Variants in PHACTR1 observed in about 807,000 individuals in gnomAD.
PHACTR1 encodes phosphatase and actin regulator 1, also known as RPEL repeat containing 1.
Under a neutral mutation model 69.2 loss-of-function variants are expected in PHACTR1, and 16 were observed. The observed-to-expected ratio is 0.23, with a 90% CI of 0.16 to 0.35. The LOEUF is 0.35. Ranked by LOEUF, PHACTR1 falls within the 10% of genes least tolerant of loss-of-function variation. The probability of loss-of-function intolerance (pLI) is 1.00; values close to 1 mark genes in which losing one functional copy is unlikely to be tolerated. For missense variants in PHACTR1, 510 were observed against 734.7 expected, an observed-to-expected ratio of 0.69 and a Z score of 3.54; for synonymous variants, 312 against 284.5, an observed-to-expected ratio of 1.10 and a Z score of -0.97.
In PHACTR1 at chr6:12,848,331, ATATGTTAAACT is replaced by A. The variant is rs533850870; in HGVS notation, c.250+98542_250+98552del. ...CCAATATACATATATGTGCATATAC[ATATGTTAAACT>A]ACAAGATTTTCTATAAACACAAACA... On this transcript the variant is annotated intron_variant, in intron 4 of 14. Transcript: ENST00000332995. 8.5e-4 allele frequency among the ~76,000 whole-genome samples: 129 copies of A among 152,340 alleles called. 1 individual carries two copies. The highest frequency in any genetic ancestry group is 3.0e-3 in the African/African-American group (126 of 41,580).
At position 13,073,331 on chromosome 6, in the gene PHACTR1, A is replaced by ATTTTTTTT. The variant is rs10664160; in HGVS notation, c.415+19825_415+19832dup. On this transcript the variant is annotated intron_variant, in intron 5 of 14. Coordinates refer to ENST00000332995, the MANE Select transcript of PHACTR1 (RefSeq NM_030948.6). ...ATTCCTTCAACCAATCATTCCATGA[A>ATTTTTTTT]TTTTTTTTTTTTTTTTTTTTTTTTT... is the stretch of plus-strand genomic sequence containing the variant. 3.3e-3 allele frequency among the ~76,000 whole-genome samples: 216 copies of ATTTTTTTT among 65,690 alleles called. 39 individuals carry two copies. The highest frequency in any genetic ancestry group is 8.1e-3 in the African/African-American group (119 of 14,716). 43.1% of individuals were successfully genotyped at this position (65,690 alleles called of 152,430 possible).
At chr6:13,081,258 A>G (rs1473057588) in intron 5 of PHACTR1, among the ~76,000 whole-genome samples, 1 of 152,196 alleles carries the variant, frequency 6.6e-6, no homozygotes, top group African/African-American at 2.4e-5. Context: ...ACTCCCCTAC[A>G]GCAGTTTCCT....
rs567620211 is a variant in PHACTR1, at chr6:12,892,671, A to G, written c.250+142881A>G. Among the ~76,000 whole-genome samples, 9 of 152,284 alleles carry G rather than the reference A, an allele frequency of 5.9e-5. No homozygotes were observed. In the South Asian group the frequency reaches 1.9e-3, roughly 32 times the overall value. On this transcript the variant is annotated intron_variant, in intron 4 of 14. Transcript: ENST00000332995. ...CATTTATAGACATCTTTTTCCCCCC[A>G]TGGAAAAAAAGGAACAGAACAGTGC...
intron 4 of PHACTR1, among the ~76,000 whole-genome samples, chr6:13,008,491 C>A (rs77350570): frequency 6.6e-6 from 1 of 152,130 alleles, no homozygotes; most frequent in African/African-American, 2.4e-5. Flanking sequence ...TCTCCTTGCT[C>A]GAAATATAAA....
At chr6:12,926,988 T>C (rs1023337040) in intron 4 of PHACTR1, among the ~76,000 whole-genome samples, 5 of 152,250 alleles carry the variant, frequency 3.3e-5, no homozygotes, top group African/African-American at 1.2e-4. Flanking sequence ...TCTAGTCAAT[T>C]GCTTAGGATC....
intron 4 of PHACTR1, among the ~76,000 whole-genome samples, chr6:12,909,454 G>A (rs1386101880): frequency 2.6e-5 from 4 of 152,182 alleles, no homozygotes; most frequent in Non-Finnish European, 4.4e-5. Context: ...AATTATATGC[G>A]GGAGTAATTG....
intron 6 of PHACTR1, among the ~76,000 whole-genome samples, chr6:13,174,496 T>C (rs992596863): frequency 1.3e-5 from 2 of 152,240 alleles, no homozygotes; most frequent in African/African-American, 4.8e-5. Flanking sequence ...AATTGTCGCA[T>C]GGCACTTCAC....
chr6:13,287,057 C>A lies in PHACTR1; in HGVS notation c.1728-6C>A, dbSNP rs1199997225. On this transcript the variant is annotated splice_polypyrimidine_tract_variant and splice_region_variant and intron_variant, in intron 14 of 14. Coordinates refer to ENST00000332995, the MANE Select transcript of PHACTR1 (RefSeq NM_030948.6). ...TTGGTCTTGATGTAATTGTTTGTTT[C>A]CTTAGGTTTCACCGACCTTAACAGT... 1 of 1,607,832 alleles carries A rather than the reference C, an allele frequency of 6.2e-7. No homozygotes were observed. The highest frequency in any genetic ancestry group is 8.5e-7 in the Non-Finnish European group (1 of 1,176,912).
intron 5 of PHACTR1, among the ~76,000 whole-genome samples, chr6:13,133,214 TC>T (rs1489197570): frequency 1.3e-4 from 2 of 15,330 alleles, no homozygotes; most frequent in Non-Finnish European, 2.3e-4. Context: ...CCCCTCCCCC[TC>T]CCCCTCCCCC....
intron 4 of PHACTR1, among the ~76,000 whole-genome samples, chr6:12,775,182 AT>A (rs35231467): frequency 0.37 from 56,312 of 151,958 alleles, 11,216 homozygotes; most frequent in African/African-American, 0.5. Context: ...AGAGACACAC[AT>A]GCTGTACCAC....
intron 4 of PHACTR1, among the ~76,000 whole-genome samples, chr6:13,008,236 G>A (rs778582052): frequency 2.0e-5 from 3 of 152,172 alleles, no homozygotes; most frequent in Non-Finnish European, 4.4e-5. Context: ...AAAACACTGT[G>A]GTGGAAAAGC....
At chr6:12,933,826 C>A (rs1789143317) in intron 4 of PHACTR1, 3 of 1,612,742 alleles carry the variant, frequency 1.9e-6, no homozygotes, top group Non-Finnish European at 2.5e-6. Flanking sequence ...AGGGTATGAG[C>A]CCTGTTCAAG....
chr6:13,043,920 A>AGG (rs1804610553), intron 4 of PHACTR1, among the ~76,000 whole-genome samples: 1 of 152,226 alleles, frequency 6.6e-6, no homozygotes, highest in Non-Finnish European at 1.5e-5. Context: ...TCTATAGATT[A>AGG]AATGAACAAC....
chr6:13,227,891 A>G lies in PHACTR1; in HGVS notation c.1062A>G (p.Ala354=). ...GLHSGDGVTK[A]GPMGLPEIRQ... is the part of the protein sequence containing the mutation. ...ACTCGGGTGATGGGGTCACCAAAGC[A>G]GGACCTATGGGCCTTCCAGAAATAA... Residue 354 remains alanine (A), a synonymous_variant, in exon 9 of 15, where the codon GCA becomes GCG. Transcript: ENST00000332995. 3 of 1,614,036 alleles carry G rather than the reference A, an allele frequency of 1.9e-6. No homozygotes were observed. Among genetic ancestry groups the G allele is most frequent in the Non-Finnish European group, 2.5e-6 (3 of 1,179,898 alleles).
At chr6:13,204,488 C>G (rs369452655) in intron 7 of PHACTR1, among the ~76,000 whole-genome samples, 1 of 152,282 alleles carries the variant, frequency 6.6e-6, no homozygotes, top group East Asian at 1.9e-4. Flanking sequence ...AACCAGGTTC[C>G]CCTCCAGAAA....
intron 5 of PHACTR1, among the ~76,000 whole-genome samples, chr6:13,074,317 C>A (rs915666251): frequency 1.3e-5 from 2 of 152,108 alleles, no homozygotes; most frequent in East Asian, 3.9e-4. Context: ...ACTGAGATAC[C>A]ATTTGTCACT....
intron 3 of PHACTR1, among the ~76,000 whole-genome samples, chr6:12,746,759 G>T (rs982797589): frequency 6.6e-6 from 1 of 152,180 alleles, no homozygotes; most frequent in Non-Finnish European, 1.5e-5. Flanking sequence ...ATTCAAAGAT[G>T]TACTTCTCTG....
At chr6:13,133,775 G>T (rs1399323958) in intron 5 of PHACTR1, among the ~76,000 whole-genome samples, 61 of 151,668 alleles carry the variant, frequency 4.0e-4, no homozygotes, top group Admixed American at 1.5e-3. Flanking sequence ...GATGTGAGGA[G>T]CCCCTCTGCC....
intron 4 of PHACTR1, among the ~76,000 whole-genome samples, chr6:12,975,997 G>A (rs1794833977): frequency 6.6e-6 from 1 of 152,208 alleles, no homozygotes; most frequent in South Asian, 2.1e-4. Context: ...AATATATGGG[G>A]CGGGAGGAAT....
Sources: gnomAD v4.1 joint callset for allele counts (sites outside exome capture counted in the v4.1 genomes callset) on GRCh38, gnomAD v4.1.1 for gene constraint, MANE v1.5 for transcripts, NCBI Gene and HGNC (gene_info 2026-07-23, HGNC 2026-07-21) for gene names.